The following NCAN variants were observed in gnomAD, a reference collection of about 807,000 sequenced individuals.
NCAN encodes the protein neurocan core protein.
Under a neutral mutation model 121.8 loss-of-function variants are expected in NCAN, and 47 were observed. The ratio of observed to expected loss-of-function variants is 0.39; its 90% CI spans 0.31 to 0.49. The LOEUF (loss-of-function observed/expected upper bound fraction) is 0.49, where lower values mean the gene tolerates loss of function less well. Among genes scored for constraint, NCAN ranks in the 20% least tolerant of loss-of-function variants. The pLI is 0.92. For missense variants in NCAN, 1,517 were observed against 1,773.4 expected (o/e 0.86, Z 2.60); for synonymous variants, 633 against 702.0 (o/e 0.90, Z 1.55).
rs368223205 is a variant in NCAN, at chr19:19,219,021, C to T, written c.180C>T (p.Leu60=). ...CGGAGCTGGTGGCCCTGCCCTGTCT[C>T]TTTACCCTGCAGCCACGGCCAAGCG... ...ALAELVALPC[L]FTLQPRPSAA... The change falls in exon 3 of 15, where the codon CTC becomes CTT. Residue 60 remains leucine, a synonymous_variant. Transcript: ENST00000252575. The T allele has an allele frequency of 1.2e-6, 2 of 1,610,886 alleles. No individual in the cohort carries two copies. The highest frequency in any genetic ancestry group is 1.7e-6 in the Non-Finnish European group (2 of 1,178,182).
rs1017154684 is a variant in NCAN, at chr19:19,225,397, G to C, written c.1072+127G>C. On this transcript the variant is annotated intron_variant, in intron 6 of 14. Coordinates refer to ENST00000252575, the MANE Select transcript of NCAN (RefSeq NM_004386.3). The surrounding 1 kb of genome is among the most constrained non-coding windows in gnomAD (Gnocchi z 4.0). ...CGCTTTGTGATAAGCCACATCCCTG[G>C]GTGAGGGCCACGCCCCCGGGTGAAG... 50 of 1,198,230 alleles carry C rather than the reference G, an allele frequency of 4.2e-5. No individual in the cohort carries two copies. The highest frequency in any genetic ancestry group is 5.3e-5 in the Non-Finnish European group (48 of 905,552). 74.2% of individuals were successfully genotyped at this position (1,198,230 alleles called of 1,614,324 possible).
In NCAN at chr19:19,215,611, G is replaced by A. The variant is rs956941128; in HGVS notation, c.-7-1336G>A. On this transcript the variant is annotated intron_variant, in intron 1 of 14. Transcript: ENST00000252575. Reference sequence around the variant, plus strand: ...GTGTGAAGTCAGGAGGAGGATGGGTGGGCAGGGGTGAGCCCCTTCCTCCAG... The same window carrying A: ...GTGTGAAGTCAGGAGGAGGATGGGTAGGCAGGGGTGAGCCCCTTCCTCCAG... Among the ~76,000 whole-genome samples, 58 of 152,150 alleles carry A rather than the reference G, an allele frequency of 3.8e-4. 2 individuals carry two copies. Among genetic ancestry groups the A allele is most frequent in the Admixed American group, 3.7e-3 (56 of 15,278 alleles).
chr19:19,239,825 A>T (rs111067288), intron 11 of NCAN, among the ~76,000 whole-genome samples: 8,263 of 56,776 alleles, frequency 0.15, 661 homozygotes, highest in African/African-American at 0.33. Flanking sequence ...CTCCCCATTC[A>T]TCTCCCACTC....
intron 13 of NCAN, 65 bp downstream of exon 13, chr19:19,245,522 G>A: frequency 6.4e-7 from 1 of 1,564,862 alleles, no homozygotes; most frequent in South Asian, 1.2e-5. Flanking sequence ...CTGTTGCCCA[G>A]GCTGGAGTGC....
chr19:19,240,023 ATC>A (rs141703078), intron 11 of NCAN, among the ~76,000 whole-genome samples: 2,285 of 48,554 alleles, frequency 0.047, 117 homozygotes, highest in African/African-American at 0.12. Flanking sequence ...TCTTCCACTG[ATC>A]TTTCTCCTCC....
rs2060779287 is a variant in NCAN, at chr19:19,212,549, A to G, written c.-8+485A>G. Among the ~76,000 whole-genome samples the G allele has an allele frequency of 6.6e-6, 1 of 152,136 alleles. No homozygotes were observed. Among genetic ancestry groups the G allele is most frequent in the South Asian group, 2.1e-4 (1 of 4,838 alleles). Reference sequence around the variant, plus strand: ...ACTGCAGTGGGGAGGGGGCCCCCAGATCACCCTGTGCCCAATGGAAGGGTA... The same window carrying G: ...ACTGCAGTGGGGAGGGGGCCCCCAGGTCACCCTGTGCCCAATGGAAGGGTA... On this transcript the variant is annotated intron_variant, in intron 1 of 14. Transcript: ENST00000252575. This position sits in a 1 kb window ranked among gnomAD's most constrained non-coding sequence, Gnocchi z 4.5.
rs553639368 is a variant in NCAN, at chr19:19,238,512, A to G, written c.3409+101A>G. ...TCGCATCCCTCCCCTGGTTTTCAAG[A>G]CGTCATCTTTCCAAAGCTGTGTTCA... On this transcript the variant is annotated intron_variant, in intron 11 of 14. Coordinates refer to ENST00000252575, the MANE Select transcript of NCAN (RefSeq NM_004386.3). 5.6e-5 allele frequency: 79 copies of G among 1,421,856 alleles called. 2 individuals are homozygous for G. In the Admixed American group the frequency reaches 1.4e-3, roughly 25 times the overall value. 88.1% of individuals were successfully genotyped at this position (1,421,856 alleles called of 1,614,324 possible).
At chr19:19,242,790 A>G (rs926433485) in intron 12 of NCAN, among the ~76,000 whole-genome samples, 2 of 152,208 alleles carry the variant, frequency 1.3e-5, no homozygotes, top group Admixed American at 6.6e-5. Context: ...CAACAGATGA[A>G]GGAAGAGACA....
intron 12 of NCAN, among the ~76,000 whole-genome samples, chr19:19,241,620 T>C (rs1359000833): frequency 6.6e-6 from 1 of 151,818 alleles, no homozygotes; most frequent in Admixed American, 6.6e-5. Context: ...GAGGATCACT[T>C]AAGCCTAGGA....
chr19:19,250,841 A>ACTC lies in NCAN; in HGVS notation c.*933_*935dup, dbSNP rs2060943874. The ACTC allele has an allele frequency of 1.3e-5, 2 of 157,050 alleles. No homozygotes were observed. The highest frequency in any genetic ancestry group is 4.8e-5 in the African/African-American group (2 of 41,626). The allele number at this position is 157,050 out of a possible 1,614,324, so 9.7% of individuals were successfully genotyped here. A position where few individuals can be genotyped will look rare whatever the true frequency, so the allele number is the denominator to read the frequency against. On this transcript the variant is annotated 3_prime_UTR_variant, in exon 15 of 15. Coordinates refer to ENST00000252575, the MANE Select transcript of NCAN (RefSeq NM_004386.3). Reference sequence around the variant, plus strand: ...TGGTAGTGCCCCTGCCCTGGGTCCCACTCCTGCCCCACCCCACCCTTGTCC... The same window carrying ACTC: ...TGGTAGTGCCCCTGCCCTGGGTCCCACTCCTCCTGCCCCACCCCACCCTTGTCC...
chr19:19,221,232 C>T (rs2060815644), intron 3 of NCAN, among the ~76,000 whole-genome samples: 1 of 146,880 alleles, frequency 6.8e-6, no homozygotes, highest in Admixed American at 6.8e-5. Context: ...CACAGCAAGA[C>T]CCTGTCTCAA....
intron 8 of NCAN, chr19:19,232,917 C>T (rs1358594555): frequency 6.6e-6 from 1 of 151,496 alleles, no homozygotes; most frequent in African/African-American, 2.4e-5. Flanking sequence ...AGCACAGCCC[C>T]TGTGCAAAAA....
At chr19:19,242,179 A>G (rs1253941929) in intron 12 of NCAN, among the ~76,000 whole-genome samples, 2 of 152,028 alleles carry the variant, frequency 1.3e-5, no homozygotes, top group Admixed American at 6.6e-5. Context: ...TGGGCAACAG[A>G]GCAGGACTCC....
chr19:19,231,271 T>G (rs769274573), intron 8 of NCAN, among the ~76,000 whole-genome samples: 3 of 151,484 alleles, frequency 2.0e-5, no homozygotes, highest in Non-Finnish European at 4.4e-5. Flanking sequence ...TGTGCAGCCA[T>G]GCAACTAAGG....
At position 19,228,243 on chromosome 19, in the gene NCAN, A is replaced by T. The variant is rs150382719; in HGVS notation, c.2623A>T (p.Thr875Ser). ...LDTSIVTPLT[T>S]LEQGDKVGVP... ...TACAAGCATTGTGACGCCCCTCACG[A>T]CCCTGGAGCAGGGGGACAAGGTTGG... The change falls in exon 8 of 15, where the codon ACC (threonine) becomes TCC (serine). Residue 875 changes from threonine to serine, a missense_variant. Thr to Ser is a moderately conservative substitution (Grantham distance 58). Coordinates refer to ENST00000252575, the MANE Select transcript of NCAN (RefSeq NM_004386.3). 1.6e-4 allele frequency: 257 copies of T among 1,613,684 alleles called. No individual in the cohort carries two copies. In the African/African-American group the frequency reaches 2.8e-3, roughly 17 times the overall value.
Position 19,225,276 on chromosome 19 carries a change from T to C in NCAN, c.1072+6T>C. 1.3e-6 allele frequency: 2 copies of C among 1,519,318 alleles called. No homozygotes were observed. The highest frequency in any genetic ancestry group is 1.7e-6 in the Non-Finnish European group (2 of 1,148,990). The allele number at this position is 1,519,318 out of a possible 1,614,324, so 94.1% of individuals were successfully genotyped here. On this transcript the variant is annotated splice_donor_region_variant and intron_variant, in intron 6 of 14. Coordinates refer to ENST00000252575, the MANE Select transcript of NCAN (RefSeq NM_004386.3). The surrounding 1 kb of genome is among the most constrained non-coding windows in gnomAD (Gnocchi z 4.0). ...CGACGCCTACTGCTTCCGAGGTGCG[T>C]GCGTCCCCTGGTGGCCGCGCCCCCA...
At position 19,227,517 on chromosome 19, in the gene NCAN, A is replaced by T. The variant is rs373628957; in HGVS notation, c.1897A>T (p.Met633Leu). Residue 633 changes from methionine to leucine, a missense_variant, in exon 8 of 15, where the codon ATG becomes TTG. By Grantham distance (15) the Met-to-Leu change is conservative. Coordinates refer to ENST00000252575, the MANE Select transcript of NCAN (RefSeq NM_004386.3). This position sits in a 1 kb window ranked among gnomAD's most constrained non-coding sequence, Gnocchi z 4.2. ...PVATSPDLPM[M>L]AMLRGPKEWM... The stretch of plus-strand genomic sequence containing the variant: ...GGCCACCTCCCCAGATCTCCCTATG[A>T]TGGCCATGCTGCGTGGTCCCAAAGA... 1.5e-4 allele frequency: 236 copies of T among 1,613,620 alleles called. No individual in the cohort carries two copies. The highest frequency in any genetic ancestry group is 2.0e-4 in the Non-Finnish European group (234 of 1,179,978).
chr19:19,232,612 TCCCCTCTCCTC>T (rs2060864609), intron 8 of NCAN, among the ~76,000 whole-genome samples: 1 of 152,140 alleles, frequency 6.6e-6, no homozygotes, highest in Non-Finnish European at 1.5e-5. Context: ...TGAAACCAAA[TCCCCTCTCCTC>T]TGAAAACTGA....
At chr19:19,245,144 A>G (rs1486283609) in intron 12 of NCAN, among the ~76,000 whole-genome samples, 169 bp from the exon 13 acceptor site, 2 of 152,160 alleles carry the variant, frequency 1.3e-5, no homozygotes, top group Admixed American at 1.3e-4. Context: ...ATTGGATTAC[A>G]GTGGTGGCCC....
Sources: allele counts gnomAD v4.1 joint callset (sites outside exome capture counted in the v4.1 genomes callset), GRCh38; gene constraint gnomAD v4.1.1; non-coding constraint Gnocchi (gnomAD v3.1); transcripts MANE v1.5; gene names NCBI Gene and HGNC (gene_info 2026-07-23, HGNC 2026-07-21).